The following DCTN6 variants were observed in gnomAD, a reference collection of about 807,000 sequenced individuals.
The protein encoded by DCTN6 is dynactin subunit 6, also known as dynactin 6.
Under a neutral mutation model 25.8 loss-of-function variants are expected in DCTN6, and 15 were observed. The ratio of observed to expected loss-of-function variants is 0.58; its 90% CI spans 0.39 to 0.89. DCTN6 has a LOEUF of 0.89. Ranked by LOEUF, DCTN6 falls within the 40% of genes least tolerant of loss-of-function variation. The pLI, the probability that DCTN6 is intolerant of heterozygous loss-of-function variation, is 0.00. For missense variants in DCTN6, 198 were observed against 237.6 expected, an observed-to-expected ratio of 0.83 and a Z score of 1.09; for synonymous variants, 64 against 78.3, an observed-to-expected ratio of 0.82 and a Z score of 0.96.
At chr8:30,169,818 T>C (rs1803738599) in intron 2 of DCTN6, among the ~76,000 whole-genome samples, 5 of 152,130 alleles carry the variant, frequency 3.3e-5, no homozygotes. Flanking sequence ...CCTCCATCAA[T>C]AGACCACGCA....
At chr8:30,170,421 G>T (rs1274777720) in intron 2 of DCTN6, among the ~76,000 whole-genome samples, 1 of 152,126 alleles carries the variant, frequency 6.6e-6, no homozygotes, top group Non-Finnish European at 1.5e-5. Context: ...GGTGGAGGTG[G>T]TGTCTAAATC....
At position 30,160,839 on chromosome 8, in the gene DCTN6, C is replaced by T. The variant is rs116975008; in HGVS notation, c.24-3272C>T. ...CACAGATACTGGGTACTGAGGGATGCGACTGTATGCACTTTGTGGTCCATG... is the reference window on the plus strand; with the variant it reads ...CACAGATACTGGGTACTGAGGGATGTGACTGTATGCACTTTGTGGTCCATG... On this transcript the variant is annotated intron_variant, in intron 1 of 6. Coordinates refer to ENST00000221114, the MANE Select transcript of DCTN6 (RefSeq NM_006571.4). Among the ~76,000 whole-genome samples, 1,502 of 152,252 alleles carry T rather than the reference C, an allele frequency of 9.9e-3. 11 individuals are homozygous for T. Among genetic ancestry groups the T allele is most frequent in the Non-Finnish European group, 0.015 (996 of 68,022 alleles).
chr8:30,164,706 T>G (rs1803642306), intron 2 of DCTN6, among the ~76,000 whole-genome samples: 1 of 152,234 alleles, frequency 6.6e-6, no homozygotes, highest in African/African-American at 2.4e-5. Flanking sequence ...GTTTATTCTC[T>G]CATATAAAAA....
Position 30,175,139 on chromosome 8 carries a change from T to TTGGCGA in DCTN6, c.143_144insTGGCGA (p.Ile48_Val49insGlyGlu), listed in dbSNP as rs755630972. On this transcript the variant is annotated inframe_insertion, in exon 3 of 7. Transcript: ENST00000221114. ...AGAATTATTGCGGAAGCCGGGCCAA[T>TTGGCGA]AGTGATTGGCGAAGGGAACCTAATA... 5 of 1,614,080 alleles carry TTGGCGA rather than the reference T, an allele frequency of 3.1e-6. No individual in the cohort carries two copies. The highest frequency in any genetic ancestry group is 4.2e-6 in the Non-Finnish European group (5 of 1,180,012).
chr8:30,172,144 C>T (rs1585502902), intron 2 of DCTN6, among the ~76,000 whole-genome samples: 2 of 152,282 alleles, frequency 1.3e-5, no homozygotes, highest in Middle Eastern at 6.8e-3. Flanking sequence ...TAAAAGAAAT[C>T]CACTGCTCAT....
At chr8:30,172,828 T>C (rs1285023311) in intron 2 of DCTN6, among the ~76,000 whole-genome samples, 1 of 152,236 alleles carries the variant, frequency 6.6e-6, no homozygotes, top group Non-Finnish European at 1.5e-5. Flanking sequence ...AATAGCTAAC[T>C]ATTTTTTTGT....
chr8:30,161,192 C>T (rs983806143), intron 1 of DCTN6, among the ~76,000 whole-genome samples: 3 of 152,158 alleles, frequency 2.0e-5, no homozygotes, highest in African/African-American at 7.2e-5. Context: ...GTCCTGCTGC[C>T]TTGTGAAGAA....
chr8:30,177,027 G>A (rs894494766), intron 3 of DCTN6, 99 bp from the exon 4 acceptor site: 9 of 810,832 alleles, frequency 1.1e-5, no homozygotes, highest in African/African-American at 1.0e-4. Context: ...TAAGCTTGAT[G>A]TAGGTAAAAT....
intron 1 of DCTN6, among the ~76,000 whole-genome samples, chr8:30,161,480 G>T (rs1034706555): frequency 1.3e-5 from 2 of 152,066 alleles, no homozygotes; most frequent in African/African-American, 4.8e-5. Context: ...TTGTTGGCTT[G>T]GGAATAGGAA....
intron 1 of DCTN6, among the ~76,000 whole-genome samples, chr8:30,156,750 C>A (rs1366539709): frequency 6.6e-6 from 1 of 152,204 alleles, no homozygotes; most frequent in African/African-American, 2.4e-5. Flanking sequence ...CTCCCTTCTC[C>A]CGCATAATCG....
chr8:30,166,949 GAGGA>G (rs2117583133), intron 2 of DCTN6, among the ~76,000 whole-genome samples: 1 of 150,976 alleles, frequency 6.6e-6, no homozygotes, highest in East Asian at 1.9e-4. Flanking sequence ...AAGAGAGAGA[GAGGA>G]AGGGAGGGAG....
At chr8:30,160,755 C>T (rs1803583800) in intron 1 of DCTN6, among the ~76,000 whole-genome samples, 1 of 152,160 alleles carries the variant, frequency 6.6e-6, no homozygotes, top group African/African-American at 2.4e-5. Flanking sequence ...TATGCAAACA[C>T]TGCAGCATTT....
At chr8:30,156,702 G>C (rs113525301) in intron 1 of DCTN6, among the ~76,000 whole-genome samples, 1 of 152,186 alleles carries the variant, frequency 6.6e-6, no homozygotes, top group South Asian at 2.1e-4. Flanking sequence ...GGGGCTGTGA[G>C]GGGAGGGTGA....
At chr8:30,162,894 C>T (rs1336189695) in intron 1 of DCTN6, among the ~76,000 whole-genome samples, 1 of 152,030 alleles carries the variant, frequency 6.6e-6, no homozygotes, top group Non-Finnish European at 1.5e-5. Flanking sequence ...TATATTTTTT[C>T]TTCCTACCTT....
chr8:30,174,640 A>G (rs1803807192), intron 2 of DCTN6, among the ~76,000 whole-genome samples: 2 of 152,270 alleles, frequency 1.3e-5, no homozygotes, highest in Admixed American at 1.3e-4. Context: ...TCGGAGGTAC[A>G]CTCGCATAAG....
intron 1 of DCTN6, among the ~76,000 whole-genome samples, chr8:30,162,120 C>T (rs1343592632): frequency 2.6e-5 from 4 of 151,440 alleles, no homozygotes; most frequent in East Asian, 1.9e-4. Flanking sequence ...GATGGAGTCT[C>T]GCTCAGTCAC....
At chr8:30,160,667 T>C (rs1160403319) in intron 1 of DCTN6, among the ~76,000 whole-genome samples, 1 of 152,230 alleles carries the variant, frequency 6.6e-6, no homozygotes, top group Non-Finnish European at 1.5e-5. Context: ...AGTATAATTA[T>C]TTACATAGCA....
intron 1 of DCTN6, among the ~76,000 whole-genome samples, chr8:30,160,397 T>C (rs1803580949): frequency 6.6e-6 from 1 of 152,234 alleles, no homozygotes; most frequent in Non-Finnish European, 1.5e-5. Context: ...CCTTCTGCCA[T>C]GGTTGTAGGT....
chr8:30,164,084 G>A (rs754285105), intron 1 of DCTN6, 27 bp from the exon 2 acceptor site: 6 of 1,595,712 alleles, frequency 3.8e-6, no homozygotes, highest in Non-Finnish European at 5.2e-6. Flanking sequence ...CTTACCCCTG[G>A]TAAATGTTAC....
Sources: allele counts gnomAD v4.1 joint callset (sites outside exome capture counted in the v4.1 genomes callset), GRCh38; gene constraint gnomAD v4.1.1; transcripts MANE v1.5; gene names NCBI Gene and HGNC (gene_info 2026-07-23, HGNC 2026-07-21).